Variants in SLBP observed in about 807,000 individuals in gnomAD.
SLBP encodes stem-loop histone mRNA binding protein.
In SLBP, 29 loss-of-function variants were observed where a neutral mutation model predicts 39.2. That is an observed-to-expected ratio of 0.74 (90% confidence interval 0.55 to 1.01). The LOEUF (loss-of-function observed/expected upper bound fraction) is 1.01. SLBP is among the 50% of genes least tolerant of loss of function. SLBP has a pLI of 0.00. For missense variants in SLBP, 390 were observed against 350.2 expected (o/e 1.11, Z -0.91); for synonymous variants, 129 against 118.7 (o/e 1.09, Z -0.57).
chr4:1,700,039 C>A lies in SLBP; in HGVS notation c.313G>T (p.Gly105Ter). The A allele has an allele frequency of 6.2e-7, 1 of 1,600,862 alleles. No individual in the cohort carries two copies. Among genetic ancestry groups the A allele is most frequent in the Non-Finnish European group, 8.5e-7 (1 of 1,171,068 alleles). The change falls in exon 4 of 8, where the codon GGA (glycine) becomes TGA (stop). Residue 105 changes from glycine to a stop codon, truncating the protein, a stop_gained. Coordinates refer to ENST00000489418, the MANE Select transcript of SLBP (RefSeq NM_006527.4). LOFTEE classifies it high-confidence loss of function. ...YKRKLLINDF[G>*]RERKSSSGSS... The stretch of plus-strand genomic sequence containing the variant: ...CCTGATGATGATTTTCTCTCTCTTC[C>A]AAAGTCATTGATGAGGAGTTTCCTT...
At chr4:1,699,757 T>A in intron 4 of SLBP, 56 bp from the exon 5 acceptor site, 1 of 1,531,084 alleles carries the variant, frequency 6.5e-7, no homozygotes. Context: ...ACCATGTATG[T>A]AAGGTAAGCC....
At chr4:1,697,059 G>C (rs912421537) in intron 5 of SLBP, among the ~76,000 whole-genome samples, 2 of 149,906 alleles carry the variant, frequency 1.3e-5, no homozygotes, top group South Asian at 2.1e-4. Flanking sequence ...TCCAGCGGCT[G>C]AGGCAGAAGA....
chr4:1,703,054 T>C (rs920628265), intron 3 of SLBP, among the ~76,000 whole-genome samples: 4 of 151,822 alleles, frequency 2.6e-5, no homozygotes, highest in East Asian at 3.9e-4. Context: ...CTGACAAACA[T>C]AGTGAAACCC....
In SLBP at chr4:1,693,525, A is replaced by G. The variant is rs190289507; in HGVS notation, c.*72T>C. ...AACCACCAGGTACAAGTGCACACACATGCTTGGTGCCTGGCCAGCCTTCCA... is the reference window on the plus strand; with the variant it reads ...AACCACCAGGTACAAGTGCACACACGTGCTTGGTGCCTGGCCAGCCTTCCA... On this transcript the variant is annotated 3_prime_UTR_variant, in exon 8 of 8. Transcript: ENST00000489418. 499 of 863,382 alleles carry G rather than the reference A, an allele frequency of 5.8e-4. 5 individuals are homozygous for G. The East Asian group carries it at 0.012, about 20-fold the overall frequency. The allele number at this position is 863,382 out of a possible 1,614,324, so 53.5% of individuals were successfully genotyped here. A position where few individuals can be genotyped will look rare whatever the true frequency, so the allele number is the denominator to read the frequency against.
rs1025885014 is a variant in SLBP, at chr4:1,703,486, TGGTCTG to T, written c.281+104_281+109del. 2.2e-5 allele frequency: 16 copies of T among 737,302 alleles called. 1 individual carries two copies. Among genetic ancestry groups the T allele is most frequent in the Middle Eastern group, 2.4e-4 (1 of 4,234 alleles). 45.7% of individuals were successfully genotyped at this position (737,302 alleles called of 1,614,324 possible). On this transcript the variant is annotated intron_variant, in intron 3 of 7. Coordinates refer to ENST00000489418, the MANE Select transcript of SLBP (RefSeq NM_006527.4). ...AGTTCCCAGGAAATGTTGATGCCTT[TGGTCTG>T]GAGCCCAGACCTTTGAAAACCACTG...
chr4:1,698,067 A>T lies in SLBP; in HGVS notation c.479+1497T>A, dbSNP rs552780758. On this transcript the variant is annotated intron_variant, in intron 5 of 7. Transcript: ENST00000489418. ...GCTTGAGGCCAGGAGTTAAGACTAC[A>T]GTGAGCCATGATGGTTGGGCGTGGT... Among the ~76,000 whole-genome samples, 5 of 152,028 alleles carry T rather than the reference A, an allele frequency of 3.3e-5. No individual in the cohort carries two copies. In the East Asian group the frequency reaches 9.8e-4, roughly 30 times the overall value.
intron 5 of SLBP, among the ~76,000 whole-genome samples, 173 bp downstream of exon 5, chr4:1,699,391 C>G (rs1716240084): frequency 6.6e-6 from 1 of 152,158 alleles, no homozygotes; most frequent in Non-Finnish European, 1.5e-5. Context: ...CTTTAGTTTT[C>G]CAGTTGCCAA....
chr4:1,707,970 T>G (rs1716584706), intron 2 of SLBP, among the ~76,000 whole-genome samples: 1 of 151,424 alleles, frequency 6.6e-6, no homozygotes, highest in Non-Finnish European at 1.5e-5. Flanking sequence ...TCTCAGCTAC[T>G]CAGGAGGCTG....
chr4:1,699,946 ATTT>A (rs113961373), intron 4 of SLBP, 62 bp downstream of exon 4: 2 of 937,808 alleles, frequency 2.1e-6, no homozygotes, highest in Non-Finnish European at 3.1e-6. Flanking sequence ...GACAGTCACA[ATTT>A]TTTTTTTTTA....
At chr4:1,706,990 C>A (rs1472007705) in intron 2 of SLBP, among the ~76,000 whole-genome samples, 2 of 150,686 alleles carry the variant, frequency 1.3e-5, no homozygotes, top group African/African-American at 4.9e-5. Flanking sequence ...GAGGCCGAGG[C>A]GGGTGGATCA....
At chr4:1,696,090 C>G in intron 6 of SLBP, 112 bp downstream of exon 6, 1 of 891,748 alleles carries the variant, frequency 1.1e-6, no homozygotes, top group Non-Finnish European at 1.6e-6. Flanking sequence ...GCTCTGCTCC[C>G]CAACAGCTGC....
rs914324924 is a variant in SLBP at position 1,712,207 on chromosome 4, C to A, written c.-19G>T. The A allele has an allele frequency of 1.6e-6, 2 of 1,246,184 alleles. No individual in the cohort carries two copies. The highest frequency in any genetic ancestry group is 2.0e-6 in the Non-Finnish European group (2 of 997,256). The allele number at this position is 1,246,184 out of a possible 1,614,324, so 77.2% of individuals were successfully genotyped here. On this transcript the variant is annotated 5_prime_UTR_variant, in exon 1 of 8. Transcript: ENST00000489418. ...AGGCCATGGCAGCACGGGCCGGGCG[C>A]GCAGCGCAGGGCCGAGGCTGAGGCG...
rs754892570 is a variant in SLBP at position 1,700,048 on chromosome 4, T to C, written c.304A>G (p.Asn102Asp). ...MARYKRKLLI[N>D]DFGRERKSSS... ...GATTTTCTCTCTCTTCCAAAGTCAT[T>C]GATGAGGAGTTTCCTTTTATATCTG... Residue 102 changes from asparagine (N) to aspartate (D), a missense_variant, in exon 4 of 8, where the codon AAT (asparagine) becomes GAT (aspartate). Transcript: ENST00000489418. 6.2e-7 allele frequency: 1 copy of C among 1,601,098 alleles called. No homozygotes were observed. The highest frequency in any genetic ancestry group is 1.7e-5 in the Admixed American group (1 of 59,104).
chr4:1,711,116 A>G (rs977208506), intron 2 of SLBP, among the ~76,000 whole-genome samples: 14 of 150,918 alleles, frequency 9.3e-5, no homozygotes, highest in African/African-American at 3.4e-4. Flanking sequence ...CGCGCTCAGC[A>G]TAATTTTTTC....
Position 1,712,079 on chromosome 4 carries a change from C to G in SLBP, c.59+51G>C, listed in dbSNP as rs780602604. The G allele has an allele frequency of 1.6e-4, 194 of 1,231,150 alleles. No homozygotes were observed. The Admixed American group carries it at 1.8e-3, about 11-fold the overall frequency. The allele number at this position is 1,231,150 out of a possible 1,614,324, so 76.3% of individuals were successfully genotyped here. A position where few individuals can be genotyped will look rare whatever the true frequency, so the allele number is the denominator to read the frequency against. On this transcript the variant is annotated intron_variant, in intron 1 of 7. Transcript: ENST00000489418. ...TCCCACACCCCGGCCCCGCACAACCCCCGCCCCACGGGGCACGCGCTCCCT... is the reference window on the plus strand; with the variant it reads ...TCCCACACCCCGGCCCCGCACAACCGCCGCCCCACGGGGCACGCGCTCCCT...
chr4:1,696,917 G>A lies in SLBP; in HGVS notation c.480-566C>T, dbSNP rs371817613. Among the ~76,000 whole-genome samples, 30 of 148,622 alleles carry A rather than the reference G, an allele frequency of 2.0e-4. 2 individuals are homozygous for A. The South Asian group carries it at 5.8e-3, about 29-fold the overall frequency. ...ACCTCCAAAAAAAAAAAAAACAAAC[G>A]CTGCTGGGTGTGGCAAATCACTTGA... On this transcript the variant is annotated intron_variant, in intron 5 of 7. Transcript: ENST00000489418.
chr4:1,694,891 G>T (rs1240277287), intron 6 of SLBP, 51 bp from the exon 7 acceptor site: 2 of 1,282,126 alleles, frequency 1.6e-6, no homozygotes, highest in Non-Finnish European at 2.3e-6. Flanking sequence ...AACAAAGCCA[G>T]GAGACGGGGC....
At chr4:1,695,849 A>AATGACT (rs886755204) in intron 6 of SLBP, among the ~76,000 whole-genome samples, 1 of 152,170 alleles carries the variant, frequency 6.6e-6, no homozygotes, top group African/African-American at 2.4e-5. Flanking sequence ...GTTGAGCCGA[A>AATGACT]ATGACTCAAA....
At chr4:1,699,449 G>A in intron 5 of SLBP, 115 bp downstream of exon 5, 1 of 926,522 alleles carries the variant, frequency 1.1e-6, no homozygotes, top group South Asian at 1.8e-5. Flanking sequence ...CTATTAAATA[G>A]CTCTTAGCAG....
Sources: gnomAD v4.1 joint callset for allele counts (sites outside exome capture counted in the v4.1 genomes callset) on GRCh38, gnomAD v4.1.1 for gene constraint, MANE v1.5 for transcripts, NCBI Gene and HGNC (gene_info 2026-07-23, HGNC 2026-07-21) for gene names.